Variants in CABLES1 observed in about 807,000 individuals in gnomAD.
The protein encoded by CABLES1 is Cdk5 and Abl enzyme substrate 1, also known as CDK5 and ABL1 enzyme substrate 1.
A neutral mutation model predicts 57.8 loss-of-function variants in CABLES1; 36 were observed. That is an observed-to-expected ratio of 0.62 (90% CI 0.48 to 0.82). The LOEUF (loss-of-function observed/expected upper bound fraction) is 0.82. CABLES1 is among the 40% of genes least tolerant of loss of function. CABLES1 has a pLI of 0.00. For synonymous variants in CABLES1, 374 were observed against 363.0 expected (o/e 1.03, Z -0.35); for missense variants, 767 against 836.6 (o/e 0.92, Z 1.03).
In CABLES1 at chr18:23,212,518, G is replaced by A. The variant is rs117432824; in HGVS notation, c.1011-1459G>A. ...ATTGACACCAAAAGTGCCAAAAGCC[G>A]AAAGTGGCTTTTGATTGCATAGGAT... On this transcript the variant is annotated intron_variant, in intron 3 of 9. Coordinates refer to ENST00000256925, the MANE Select transcript of CABLES1 (RefSeq NM_001100619.3). Among the ~76,000 whole-genome samples the A allele has an allele frequency of 5.9e-5, 9 of 152,252 alleles. No homozygotes were observed. The East Asian group carries it at 1.4e-3, about 23-fold the overall frequency.
At chr18:23,176,786 A>G (rs899148144) in intron 1 of CABLES1, among the ~76,000 whole-genome samples, 1 of 152,324 alleles carries the variant, frequency 6.6e-6, no homozygotes, top group South Asian at 2.1e-4. Context: ...AGATAATTGC[A>G]TGCAGTTTCT....
intron 1 of CABLES1, among the ~76,000 whole-genome samples, chr18:23,174,762 C>T (rs940609632): frequency 6.8e-5 from 10 of 147,880 alleles, no homozygotes; most frequent in South Asian, 4.3e-4. Context: ...GTGAGCCCAC[C>T]GCGCCCGGCC....
intron 4 of CABLES1, among the ~76,000 whole-genome samples, chr18:23,233,762 A>G (rs547109127): frequency 6.6e-6 from 1 of 152,368 alleles, no homozygotes; most frequent in South Asian, 2.1e-4. Flanking sequence ...TTATTCCTCT[A>G]TTAAAAGATA....
intron 7 of CABLES1, among the ~76,000 whole-genome samples, chr18:23,246,549 A>G (rs7245255): frequency 0.65 from 97,718 of 150,884 alleles, 33,520 homozygotes; most frequent in African/African-American, 0.89. Flanking sequence ...CCGCCACCAC[A>G]CCCGGCTAAT....
intron 6 of CABLES1, among the ~76,000 whole-genome samples, chr18:23,236,319 T>C (rs2047611773): frequency 6.6e-6 from 1 of 152,134 alleles, no homozygotes; most frequent in Non-Finnish European, 1.5e-5. Flanking sequence ...TGGCTGTGTC[T>C]CCCAGCTTCC....
intron 3 of CABLES1, 67 bp from the exon 4 acceptor site, chr18:23,213,910 T>G: frequency 9.5e-7 from 1 of 1,054,568 alleles, no homozygotes. Context: ...TTGCTATAGA[T>G]TTTGTTTTTT....
chr18:23,209,884 G>A (rs1461896419), intron 3 of CABLES1, among the ~76,000 whole-genome samples: 1 of 152,164 alleles, frequency 6.6e-6, no homozygotes, highest in African/African-American at 2.4e-5. Flanking sequence ...CTTGCGGGGG[G>A]GCGGTCCTTG....
chr18:23,253,608 C>T lies in CABLES1; in HGVS notation c.1554-121C>T, dbSNP rs2048092942. The T allele has an allele frequency of 6.1e-6, 5 of 813,112 alleles. No homozygotes were observed. In the South Asian group the frequency reaches 8.8e-5, roughly 14 times the overall value. 50.4% of individuals were successfully genotyped at this position (813,112 alleles called of 1,614,324 possible). A position where few individuals can be genotyped will look rare whatever the true frequency, so the allele number is the denominator to read the frequency against. On this transcript the variant is annotated intron_variant, in intron 8 of 9. Coordinates refer to ENST00000256925, the MANE Select transcript of CABLES1 (RefSeq NM_001100619.3). ...CCTTCACACTCCCAGGGACTTAATCCCAGTCCAGATCACCCTCTGGGAAAG... is the reference window on the plus strand; with the variant it reads ...CCTTCACACTCCCAGGGACTTAATCTCAGTCCAGATCACCCTCTGGGAAAG...
At chr18:23,238,068 CG>C (rs1208828081) in intron 7 of CABLES1, among the ~76,000 whole-genome samples, 11 of 152,280 alleles carry the variant, frequency 7.2e-5, no homozygotes, top group African/African-American at 2.4e-4. Flanking sequence ...CCGGGCCTGG[CG>C]GGGCCGGCAC....
At chr18:23,175,338 G>A (rs1323429983) in intron 1 of CABLES1, among the ~76,000 whole-genome samples, 2 of 152,182 alleles carry the variant, frequency 1.3e-5, no homozygotes, top group African/African-American at 4.8e-5. Flanking sequence ...AAAGCACTCT[G>A]CTGCTCAGAA....
intron 9 of CABLES1, among the ~76,000 whole-genome samples, chr18:23,254,631 G>C (rs1051059640): frequency 6.6e-6 from 1 of 152,188 alleles, no homozygotes; most frequent in Admixed American, 6.5e-5. Flanking sequence ...TGGAGGCTGG[G>C]AAGTCCAGGG....
At chr18:23,156,071 GC>G in intron 1 of CABLES1, 1 of 1,225,022 alleles carries the variant, frequency 8.2e-7, no homozygotes, top group Non-Finnish European at 1.2e-6. Flanking sequence ...GCCTGGAAAA[GC>G]GGGATGTCAG....
intron 1 of CABLES1, among the ~76,000 whole-genome samples, chr18:23,151,476 T>C (rs2046930237): frequency 6.6e-6 from 1 of 152,178 alleles, no homozygotes. Flanking sequence ...GGTGGGTGGA[T>C]GGCAGGTGCG....
chr18:23,252,725 C>T (rs1390472372), intron 7 of CABLES1, among the ~76,000 whole-genome samples: 1 of 152,164 alleles, frequency 6.6e-6, no homozygotes, highest in Non-Finnish European at 1.5e-5. Flanking sequence ...GGTCTACAGG[C>T]CGGCTTTCCT....
At chr18:23,182,738 G>A (rs1190736969) in intron 1 of CABLES1, among the ~76,000 whole-genome samples, 3 of 152,190 alleles carry the variant, frequency 2.0e-5, no homozygotes, top group Non-Finnish European at 4.4e-5. Flanking sequence ...CTTTCCCCTG[G>A]GTGCCCACTG....
intron 1 of CABLES1, among the ~76,000 whole-genome samples, chr18:23,159,051 C>T (rs2046984306): frequency 6.6e-6 from 1 of 152,172 alleles, no homozygotes; most frequent in South Asian, 2.1e-4. Flanking sequence ...CTGTAACCGC[C>T]ACCTCTTGAG....
At chr18:23,141,419 TCAC>T (rs2046857174) in intron 1 of CABLES1, among the ~76,000 whole-genome samples, 1 of 152,228 alleles carries the variant, frequency 6.6e-6, no homozygotes, top group East Asian at 1.9e-4. Context: ...CCTAGCTTTT[TCAC>T]CACCCGCTTT....
intron 3 of CABLES1, among the ~76,000 whole-genome samples, chr18:23,207,458 C>T (rs2047372377): frequency 6.6e-6 from 1 of 152,222 alleles, no homozygotes; most frequent in African/African-American, 2.4e-5. Context: ...CCTGAGGTCT[C>T]AGTTATCACT....
intron 4 of CABLES1, among the ~76,000 whole-genome samples, chr18:23,218,666 G>GCATCCTCACTTGCCCTGGCTCCCA (rs1352715523): frequency 2.0e-5 from 3 of 149,574 alleles, no homozygotes; most frequent in African/African-American, 7.5e-5. Flanking sequence ...CCTGGCTCCC[G>GCATCCTCACTTGCCCTGGCTCCCA]CATCCTCACT....
Sources: gnomAD v4.1 joint callset for allele counts (sites outside exome capture counted in the v4.1 genomes callset) on GRCh38, gnomAD v4.1.1 for gene constraint, MANE v1.5 for transcripts, NCBI Gene and HGNC (gene_info 2026-07-23, HGNC 2026-07-21) for gene names.